STRIP1: variants seen among roughly 807,000 people sequenced by gnomAD.
STRIP1 encodes the protein striatin-interacting protein 1.
In STRIP1, 63 loss-of-function variants were observed where a neutral mutation model predicts 106.2. That is an observed-to-expected ratio of 0.59 (90% CI 0.48 to 0.73). The LOEUF is 0.73. STRIP1 is among the 30% of genes least tolerant of loss of function. The probability of loss-of-function intolerance (pLI) is 0.00; values close to 1 mark genes in which losing one functional copy is unlikely to be tolerated. For missense variants in STRIP1, 857 were observed against 1,074.8 expected (o/e 0.80, Z 2.83); for synonymous variants, 390 against 413.0 (o/e 0.94, Z 0.67).
chr1:110,047,434 C>A, intron 13 of STRIP1, 108 bp from the exon 14 acceptor site: 1 of 794,184 alleles, frequency 1.3e-6, no homozygotes. Context: ...TCATTAACAT[C>A]ATTATGTACA....
At chr1:110,047,737 C>T (rs1392736566) in intron 14 of STRIP1, 35 bp from the exon 15 acceptor site, 3 of 1,545,784 alleles carry the variant, frequency 1.9e-6, no homozygotes, top group Non-Finnish European at 2.6e-6. Context: ...ACCCTGGGCT[C>T]TCAGACCTGT....
Position 110,050,378 on chromosome 1 carries a change from A to G in STRIP1, c.1925A>G (p.His642Arg). The change falls in exon 18 of 21, where the codon CAT becomes CGT. Residue 642 changes from histidine (H) to arginine (R), a missense_variant. By Grantham distance (29) the His-to-Arg change is conservative. Transcript: ENST00000369795. ...SVLDYPHCVV[H>R]ELPELTAESL... ...CTGGATTACCCTCACTGCGTGGTGC[A>G]TGAGCTGCCAGAGCTGACGGCGGAG... 6.2e-7 allele frequency: 1 copy of G among 1,614,184 alleles called. No individual in the cohort carries two copies. Among genetic ancestry groups the G allele is most frequent in the Non-Finnish European group, 8.5e-7 (1 of 1,180,016 alleles).
chr1:110,039,671 C>A, intron 5 of STRIP1, 156 bp downstream of exon 5: 1 of 1,041,070 alleles, frequency 9.6e-7, no homozygotes, highest in Non-Finnish European at 1.4e-6. Context: ...CGGAGTTGGT[C>A]ACTTACACCT....
chr1:110,046,162 A>G (rs1471615860), intron 12 of STRIP1, among the ~76,000 whole-genome samples: 1 of 152,060 alleles, frequency 6.6e-6, no homozygotes, highest in African/African-American at 2.4e-5. Context: ...CTTATCTACC[A>G]TGGGCTTCTT....
rs757315974 is a variant in STRIP1, at chr1:110,039,969, T to C, written c.581+454T>C. 4 of 1,147,768 alleles carry C rather than the reference T, an allele frequency of 3.5e-6. No individual in the cohort carries two copies. In the South Asian group the frequency reaches 5.1e-5, roughly 15 times the overall value. 71.1% of individuals were successfully genotyped at this position (1,147,768 alleles called of 1,614,324 possible). A position where few individuals can be genotyped will look rare whatever the true frequency, so the allele number is the denominator to read the frequency against. On this transcript the variant is annotated intron_variant, in intron 5 of 20. Transcript: ENST00000369795. ...TGCTGCTCATCTAAGGATAACACCA[T>C]CAATGATAAAGCTAAGACAGCTCAT...
Position 110,043,969 on chromosome 1 carries a change from C to T in STRIP1, c.1286+113C>T, listed in dbSNP as rs897764641. 6.8e-5 allele frequency: 69 copies of T among 1,020,872 alleles called. No individual in the cohort carries two copies. The African/African-American group carries it at 7.9e-4, about 12-fold the overall frequency. 63.2% of individuals were successfully genotyped at this position (1,020,872 alleles called of 1,614,324 possible). On this transcript the variant is annotated intron_variant, in intron 10 of 20. Transcript: ENST00000369795. The stretch of plus-strand genomic sequence containing the variant: ...GTGGTCCTCTGCAGGGCAGGCTGAC[C>T]GTGGCTCTGGGATGAGGCTCTCTTA...
At position 110,050,392 on chromosome 1, in the gene STRIP1, C is replaced by G; in HGVS notation, c.1939C>G (p.Leu647Val). The stretch of plus-strand genomic sequence containing the variant: ...CTGCGTGGTGCATGAGCTGCCAGAG[C>G]TGACGGCGGAGAGTTTGGTGAGTGG... Reference protein sequence around the residue: ...PHCVVHELPELTAESLEAGDS... With the variant: ...PHCVVHELPEVTAESLEAGDS... Residue 647 changes from leucine (L) to valine (V), a missense_variant, in exon 18 of 21, where the codon CTG (leucine) becomes GTG (valine). By Grantham distance (32) the Leu-to-Val change is conservative. Around this residue, in one of 2 missense-constraint regions of STRIP1, gnomAD observed 750 missense variants for 989.8 expected, o/e 0.76. Transcript: ENST00000369795. 6.2e-7 allele frequency: 1 copy of G among 1,614,200 alleles called. No individual in the cohort carries two copies.
chr1:110,039,751 GC>G, intron 5 of STRIP1: 1 of 1,157,458 alleles, frequency 8.6e-7, no homozygotes. Flanking sequence ...ACCAGACAGT[GC>G]AGGCCCTGCC....
intron 19 of STRIP1, 125 bp from the exon 20 acceptor site, chr1:110,051,558 A>C (rs1045590409): frequency 2.1e-6 from 2 of 964,882 alleles, no homozygotes; most frequent in Admixed American, 4.3e-5. Context: ...TCTTCAGTCC[A>C]AGGGAAACTG....
In STRIP1 at chr1:110,050,348, C is replaced by G. The variant is rs199569148; in HGVS notation, c.1895C>G (p.Ser632Cys). 2.3e-4 allele frequency: 365 copies of G among 1,614,070 alleles called. No individual in the cohort carries two copies. The highest frequency in any genetic ancestry group is 3.0e-4 in the Non-Finnish European group (354 of 1,180,014). The change falls in exon 18 of 21, where the codon TCT becomes TGT. Residue 632 changes from serine (S) to cysteine (C), a missense_variant. Coordinates refer to ENST00000369795, the MANE Select transcript of STRIP1 (RefSeq NM_033088.4). ...MSYITAKNSI[S>C]VLDYPHCVVH... ...GGTTCCTCTCCCCTCTGCAGCATTT[C>G]TGTCCTGGATTACCCTCACTGCGTG...
intron 20 of STRIP1, 31 bp downstream of exon 20, chr1:110,051,918 G>A (rs1557797264): frequency 6.2e-7 from 1 of 1,607,506 alleles, no homozygotes; most frequent in Non-Finnish European, 8.5e-7. Context: ...AGATTTGGGT[G>A]GGAGTGTGTC....
At chr1:110,037,764 C>A in intron 1 of STRIP1, 127 bp from the exon 2 acceptor site, 1 of 639,250 alleles carries the variant, frequency 1.6e-6, no homozygotes. Flanking sequence ...TTTTAGGAAA[C>A]AAAATGTGAA....
chr1:110,051,757 T>C lies in STRIP1; in HGVS notation c.2136T>C (p.Tyr712=), dbSNP rs769938434. ...LKVKQAMMQL[Y]VLKLLKVQTK... ...TGAAACAAGCCATGATGCAGCTCTA[T>C]GTGCTGAAGCTGCTCAAGGTACAGA... Residue 712 remains tyrosine, a synonymous_variant, in exon 20 of 21, where the codon TAT becomes TAC. Coordinates refer to ENST00000369795, the MANE Select transcript of STRIP1 (RefSeq NM_033088.4). The C allele has an allele frequency of 6.2e-6, 10 of 1,613,736 alleles. No individual in the cohort carries two copies. In the Admixed American group the frequency reaches 1.3e-4, roughly 22 times the overall value.
upstream of STRIP1, among the ~76,000 whole-genome samples, chr1:110,034,065 G>A (rs1044766477): frequency 6.6e-6 from 1 of 152,162 alleles, no homozygotes; most frequent in Non-Finnish European, 1.5e-5. Context: ...TTTAATTAGT[G>A]CCATGAACAA....
upstream of STRIP1, among the ~76,000 whole-genome samples, chr1:110,033,434 A>G (rs529233602): frequency 1.2e-4 from 18 of 152,318 alleles, no homozygotes; most frequent in Admixed American, 3.9e-4. Context: ...TTTTGTTGCT[A>G]TAACAGAATA....
At chr1:110,035,223 G>C (rs975350281) in intron 1 of STRIP1, among the ~76,000 whole-genome samples, 1 of 152,202 alleles carries the variant, frequency 6.6e-6, no homozygotes, top group African/African-American at 2.4e-5. Context: ...TCCCTGGCAC[G>C]CGGGCTCCAG....
At chr1:110,044,716 C>A in intron 10 of STRIP1, 124 bp from the exon 11 acceptor site, 6 of 864,346 alleles carry the variant, frequency 6.9e-6, no homozygotes, top group South Asian at 5.6e-5. Flanking sequence ...AAGAGAAAAA[C>A]AATTATAGGA....
In STRIP1 at chr1:110,052,335, C is replaced by T. The variant is rs1653337791; in HGVS notation, c.2266+448C>T. On this transcript the variant is annotated intron_variant, in intron 20 of 20. Transcript: ENST00000369795. Reference sequence around the variant, plus strand: ...CCCAGGCTAGAGTGCGATCCTGGCTCACCACAACATCTGCCTCCTGGGCTC... The same window carrying T: ...CCCAGGCTAGAGTGCGATCCTGGCTTACCACAACATCTGCCTCCTGGGCTC... Among the ~76,000 whole-genome samples, 3 of 152,158 alleles carry T rather than the reference C, an allele frequency of 2.0e-5. No homozygotes were observed. The South Asian group carries it at 6.2e-4, about 31-fold the overall frequency.
intron 19 of STRIP1, among the ~76,000 whole-genome samples, chr1:110,051,398 A>T (rs1009853124): frequency 6.6e-5 from 10 of 152,226 alleles, no homozygotes; most frequent in African/African-American, 2.4e-4. Context: ...TCCTCTGATA[A>T]CTGTGTGTAC....
Sources: gnomAD v4.1 joint callset for allele counts (sites outside exome capture counted in the v4.1 genomes callset) on GRCh38, gnomAD v4.1.1 for gene constraint, gnomAD v4.1.1 regional missense constraint, MANE v1.5 for transcripts, NCBI Gene and HGNC (gene_info 2026-07-23, HGNC 2026-07-21) for gene names.